The following WDFY3 variants were observed in gnomAD, a reference collection of about 807,000 sequenced individuals.
WDFY3 encodes WD repeat and FYVE domain containing 3.
In WDFY3, 66 loss-of-function variants were observed where a neutral mutation model predicts 409.6. That is an observed-to-expected ratio of 0.16 (90% CI 0.13 to 0.20). The LOEUF (loss-of-function observed/expected upper bound fraction) is 0.20. WDFY3 is among the 10% of genes least tolerant of loss of function. WDFY3 has a pLI of 1.00. For synonymous variants in WDFY3, 1,521 were observed against 1,537.1 expected (o/e 0.99, Z 0.25); for missense variants, 3,031 against 4,298.1 (o/e 0.71, Z 8.24).
chr4:84,862,811 C>A (rs560871109), intron 3 of WDFY3, among the ~76,000 whole-genome samples: 2 of 152,142 alleles, frequency 1.3e-5, no homozygotes, highest in Non-Finnish European at 2.9e-5. Context: ...CACGGTGAAA[C>A]CCCGTCTCTA....
chr4:84,740,812 G>T (rs1446949616), intron 38 of WDFY3, among the ~76,000 whole-genome samples: 2 of 150,966 alleles, frequency 1.3e-5, no homozygotes, highest in African/African-American at 2.4e-5. Context: ...ATTTTTTTTT[G>T]ACATTCTAAT....
intron 57 of WDFY3, 132 bp downstream of exon 57, chr4:84,696,600 A>T: frequency 1.3e-6 from 1 of 783,030 alleles, no homozygotes; most frequent in Non-Finnish European, 2.1e-6. Flanking sequence ...CTTGGGATGT[A>T]TCCCCTGTAG....
chr4:84,840,475 T>C (rs1466470503), intron 6 of WDFY3, among the ~76,000 whole-genome samples: 1 of 152,162 alleles, frequency 6.6e-6, no homozygotes, highest in Non-Finnish European at 1.5e-5. Flanking sequence ...CTAACATCAG[T>C]GACAAAAGTG....
intron 1 of WDFY3, among the ~76,000 whole-genome samples, chr4:84,964,111 A>C (rs1372375045): frequency 6.6e-6 from 1 of 152,178 alleles, no homozygotes; most frequent in African/African-American, 2.4e-5. Context: ...AAAAAAGCAA[A>C]TATATGCTAT....
intron 9 of WDFY3, among the ~76,000 whole-genome samples, chr4:84,828,405 T>C (rs1436401315): frequency 6.6e-6 from 1 of 152,134 alleles, no homozygotes. Context: ...AGAAGTACTA[T>C]AAAATAAAGA....
intron 60 of WDFY3, 140 bp from the exon 61 acceptor site, chr4:84,690,804 G>C (rs1729137306): frequency 9.4e-7 from 1 of 1,065,582 alleles, no homozygotes; most frequent in Non-Finnish European, 1.3e-6. Context: ...CTTTAGTTCA[G>C]AAGCATATCC....
At chr4:84,754,951 C>A (rs1221966530) in intron 34 of WDFY3, among the ~76,000 whole-genome samples, 1 of 152,028 alleles carries the variant, frequency 6.6e-6, no homozygotes, top group African/African-American at 2.4e-5. Context: ...TAATTCCTCA[C>A]AAATACCCTA....
At chr4:84,855,655 A>G (rs1394743046) in intron 4 of WDFY3, among the ~76,000 whole-genome samples, 2 of 152,212 alleles carry the variant, frequency 1.3e-5, no homozygotes, top group Non-Finnish European at 2.9e-5. Context: ...TATGTGTTAT[A>G]TCTAAAATTA....
chr4:84,895,469 A>G (rs764851559), intron 3 of WDFY3, among the ~76,000 whole-genome samples: 4 of 152,200 alleles, frequency 2.6e-5, no homozygotes, highest in Non-Finnish European at 5.9e-5. Context: ...CAGACAAGAA[A>G]GCACAAGATA....
intron 66 of WDFY3, among the ~76,000 whole-genome samples, chr4:84,677,757 G>T (rs2148732918): frequency 6.6e-6 from 1 of 152,060 alleles, no homozygotes; most frequent in Non-Finnish European, 1.5e-5. Context: ...GAAGCCAGGA[G>T]TTTGAGACCA....
At chr4:84,795,371 A>G (rs1328525889) in intron 19 of WDFY3, among the ~76,000 whole-genome samples, 1 of 152,180 alleles carries the variant, frequency 6.6e-6, no homozygotes, top group Admixed American at 6.5e-5. Flanking sequence ...GTTTTAATCT[A>G]TTGTTTGATA....
chr4:84,938,722 C>A (rs899174840), intron 1 of WDFY3, among the ~76,000 whole-genome samples: 10 of 152,274 alleles, frequency 6.6e-5, no homozygotes, highest in Non-Finnish European at 1.0e-4. Context: ...ATCACTCATA[C>A]TCAGATTCAG....
intron 61 of WDFY3, among the ~76,000 whole-genome samples, chr4:84,689,532 G>T (rs1728896377): frequency 1.3e-5 from 2 of 152,184 alleles, no homozygotes; most frequent in African/African-American, 4.8e-5. Context: ...GCAACTCTGT[G>T]AAGTTTCTGG....
chr4:84,893,950 T>C (rs984265565), intron 3 of WDFY3, among the ~76,000 whole-genome samples: 3 of 151,672 alleles, frequency 2.0e-5, no homozygotes, highest in Admixed American at 6.6e-5. Flanking sequence ...GGCTGCGCCA[T>C]TGCACTCCAG....
chr4:84,839,375 T>C (rs1383562914), intron 6 of WDFY3, among the ~76,000 whole-genome samples: 1 of 152,134 alleles, frequency 6.6e-6, no homozygotes, highest in African/African-American at 2.4e-5. Flanking sequence ...TTGTTACTCA[T>C]CCAGTAGAGT....
intron 48 of WDFY3, among the ~76,000 whole-genome samples, chr4:84,717,973 G>A (rs1330010696): frequency 4.0e-5 from 6 of 149,050 alleles, no homozygotes; most frequent in African/African-American, 7.5e-5. Flanking sequence ...GCATGAACCC[G>A]GGAGGCGGAG....
intron 29 of WDFY3, 136 bp downstream of exon 29, chr4:84,774,684 A>G: frequency 1.1e-6 from 1 of 948,722 alleles, no homozygotes; most frequent in Non-Finnish European, 1.5e-6. Context: ...TCCATGCGTC[A>G]TAAATATTTT....
chr4:84,803,796 G>C (rs1368257470), intron 15 of WDFY3: 1 of 176,824 alleles, frequency 5.7e-6, no homozygotes. Context: ...GTGATTCAAA[G>C]CTCTAGAAGA....
At chr4:84,739,651 T>G (rs1388937015) in intron 39 of WDFY3, among the ~76,000 whole-genome samples, 1 of 152,172 alleles carries the variant, frequency 6.6e-6, no homozygotes, top group Admixed American at 6.5e-5. Context: ...GCCCCTCTTA[T>G]GTGCCTCCAA....
Sources: allele counts gnomAD v4.1 joint callset (sites outside exome capture counted in the v4.1 genomes callset), GRCh38; gene constraint gnomAD v4.1.1; transcripts MANE v1.5; gene names NCBI Gene and HGNC (gene_info 2026-07-23, HGNC 2026-07-21).